KIAA1217: variants seen among roughly 807,000 people sequenced by gnomAD.
KIAA1217 encodes KIAA1217.
In KIAA1217, 88 loss-of-function variants were observed where a neutral mutation model predicts 163.9. The observed-to-expected ratio is 0.54, with a 90% CI of 0.45 to 0.64. KIAA1217 has a LOEUF of 0.64. KIAA1217 is among the 30% of genes least tolerant of loss of function. The probability of loss-of-function intolerance (pLI) is 0.00; values close to 1 mark genes in which losing one functional copy is unlikely to be tolerated. For missense variants in KIAA1217, 2,372 were observed against 2,475.0 expected (o/e 0.96, Z 0.88); for synonymous variants, 903 against 923.1 (o/e 0.98, Z 0.39).
intron 2 of KIAA1217, among the ~76,000 whole-genome samples, chr10:24,059,123 T>C (rs1184357609): frequency 2.0e-5 from 3 of 152,228 alleles, no homozygotes; most frequent in Non-Finnish European, 2.9e-5. Flanking sequence ...TTTCTGCATC[T>C]ATTGAGATGA....
chr10:24,190,825 T>C (rs1184868044), intron 2 of KIAA1217, among the ~76,000 whole-genome samples: 1 of 151,982 alleles, frequency 6.6e-6, no homozygotes, highest in Non-Finnish European at 1.5e-5. Context: ...TCCATATCAG[T>C]TAAGTGCTCT....
At chr10:24,017,465 C>T (rs1312393808) in intron 2 of KIAA1217, among the ~76,000 whole-genome samples, 1 of 151,942 alleles carries the variant, frequency 6.6e-6, no homozygotes, top group Non-Finnish European at 1.5e-5. Flanking sequence ...CACACAGATG[C>T]CAACCTTAAT....
intron 1 of KIAA1217, among the ~76,000 whole-genome samples, chr10:23,921,020 T>TA (rs1294515741): frequency 6.6e-6 from 1 of 152,212 alleles, no homozygotes; most frequent in African/African-American, 2.4e-5. Flanking sequence ...GAAGCCTCCC[T>TA]AGCTATGTGG....
At chr10:24,538,449 G>A (rs887009190) in intron 17 of KIAA1217, among the ~76,000 whole-genome samples, 7 of 151,606 alleles carry the variant, frequency 4.6e-5, no homozygotes, top group Non-Finnish European at 7.4e-5. Context: ...AGGCCAAGAC[G>A]GAAGAATCAC....
intron 10 of KIAA1217, among the ~76,000 whole-genome samples, chr10:24,515,751 CAG>C (rs2070027715): frequency 6.6e-6 from 1 of 152,220 alleles, no homozygotes. Flanking sequence ...AGGCCACAAA[CAG>C]TATCTTGCAC....
At chr10:23,707,026 T>G (rs1263262316) in intron 1 of KIAA1217, among the ~76,000 whole-genome samples, 2 of 152,210 alleles carry the variant, frequency 1.3e-5, no homozygotes, top group East Asian at 3.8e-4. Context: ...TCAGAATATT[T>G]ATTGATCACC....
intron 7 of KIAA1217, 48 bp downstream of exon 7, chr10:24,494,652 T>A: frequency 8.1e-7 from 1 of 1,236,962 alleles, no homozygotes; most frequent in South Asian, 1.3e-5. Flanking sequence ...TCTGTTTCTC[T>A]TTTAATCATT....
chr10:24,460,833 T>C (rs2062324890), intron 5 of KIAA1217, among the ~76,000 whole-genome samples: 1 of 151,870 alleles, frequency 6.6e-6, no homozygotes, highest in African/African-American at 2.4e-5. Context: ...GTCCACAGAG[T>C]TGGTTTCAGA....
At chr10:24,043,327 TC>T (rs1848751091) in intron 2 of KIAA1217, among the ~76,000 whole-genome samples, 1 of 152,192 alleles carries the variant, frequency 6.6e-6, no homozygotes. Context: ...ATATTCTCAT[TC>T]TTATAACTGG....
chr10:24,120,086 G>A (rs1284565607), intron 2 of KIAA1217, among the ~76,000 whole-genome samples: 1 of 152,138 alleles, frequency 6.6e-6, no homozygotes, highest in Non-Finnish European at 1.5e-5. Context: ...CCATAGCCAA[G>A]TGCTCCCAGA....
chr10:23,995,137 G>A (rs1200193217), intron 1 of KIAA1217, among the ~76,000 whole-genome samples: 2 of 152,140 alleles, frequency 1.3e-5, no homozygotes, highest in Non-Finnish European at 2.9e-5. Flanking sequence ...CACTTGCCGT[G>A]TGCCAAGCAT....
chr10:23,810,720 A>G (rs1836976111), intron 1 of KIAA1217, among the ~76,000 whole-genome samples: 1 of 126,964 alleles, frequency 7.9e-6, no homozygotes, highest in South Asian at 2.3e-4. Context: ...AATATACCAT[A>G]TACAGTATAC....
In KIAA1217 at chr10:23,695,976, GCTC is replaced by G. The variant is rs776324944; in HGVS notation, c.-321+743_-321+745del. Among the ~76,000 whole-genome samples, 2 of 152,134 alleles carry G rather than the reference GCTC, an allele frequency of 1.3e-5. No individual in the cohort carries two copies. The highest frequency in any genetic ancestry group is 2.9e-5 in the Non-Finnish European group (2 of 68,014). ...GGCCTTCCGGCTGGCTGCCCTCCCCGCTCGCCGCTCTCCCCGCGCCGCTGCGGG... is the reference window on the plus strand; with the variant it reads ...GGCCTTCCGGCTGGCTGCCCTCCCCGGCCGCTCTCCCCGCGCCGCTGCGGG... On this transcript the variant is annotated intron_variant, in intron 1 of 18. Transcript: ENST00000376462. This position sits in a 1 kb window ranked among gnomAD's most constrained non-coding sequence, Gnocchi z 4.9.
At chr10:24,434,810 A>G (rs1332259261) in intron 4 of KIAA1217, among the ~76,000 whole-genome samples, 3 of 152,256 alleles carry the variant, frequency 2.0e-5, no homozygotes, top group Admixed American at 1.3e-4. Context: ...TAATCCAGCC[A>G]TTTCATTTTA....
intron 2 of KIAA1217, among the ~76,000 whole-genome samples, chr10:24,365,884 A>G (rs1440857425): frequency 6.6e-6 from 1 of 152,180 alleles, no homozygotes; most frequent in East Asian, 1.9e-4. Context: ...AGTAATATAC[A>G]CACATATATA....
chr10:24,428,033 A>T (rs576511517), intron 3 of KIAA1217, among the ~76,000 whole-genome samples: 1 of 151,344 alleles, frequency 6.6e-6, no homozygotes, highest in Non-Finnish European at 1.5e-5. Flanking sequence ...ACCCTGAGGT[A>T]ACTATAGTTT....
At chr10:24,049,401 T>C (rs781244683) in intron 2 of KIAA1217, among the ~76,000 whole-genome samples, 4 of 151,690 alleles carry the variant, frequency 2.6e-5, no homozygotes, top group Non-Finnish European at 5.9e-5. Flanking sequence ...TTTAACTCTA[T>C]TTATTTATTT....
intron 1 of KIAA1217, among the ~76,000 whole-genome samples, chr10:23,736,815 C>T (rs1838833907): frequency 6.6e-6 from 1 of 152,090 alleles, no homozygotes; most frequent in African/African-American, 2.4e-5. Context: ...CATGGGCCAC[C>T]GCACCCGGCC....
chr10:24,216,977 AG>A (rs2068909218), intron 1 of KIAA1217, among the ~76,000 whole-genome samples: 1 of 137,154 alleles, frequency 7.3e-6, no homozygotes, highest in South Asian at 2.5e-4. Context: ...GGCTGCAGTG[AG>A]CCATGATCAT....
Sources: gnomAD v4.1 joint callset for allele counts (sites outside exome capture counted in the v4.1 genomes callset) on GRCh38, gnomAD v4.1.1 for gene constraint, Gnocchi (gnomAD v3.1) non-coding constraint, MANE v1.5 for transcripts, NCBI Gene and HGNC (gene_info 2026-07-23, HGNC 2026-07-21) for gene names.